The following DENND1B variants were observed in gnomAD, a reference collection of about 807,000 sequenced individuals.
The protein encoded by DENND1B is DENN domain-containing protein 1B.
Under a neutral mutation model 90.1 loss-of-function variants are expected in DENND1B, and 59 were observed. The observed-to-expected ratio is 0.65, with a 90% CI of 0.53 to 0.81. The LOEUF (loss-of-function observed/expected upper bound fraction) is 0.81. DENND1B is among the 40% of genes least tolerant of loss of function. The pLI is 0.00. For missense variants in DENND1B, 862 were observed against 912.6 expected, an observed-to-expected ratio of 0.94 and a Z score of 0.71; for synonymous variants, 337 against 324.6, an observed-to-expected ratio of 1.04 and a Z score of -0.41.
intron 3 of DENND1B, among the ~76,000 whole-genome samples, chr1:197,674,829 T>C (rs1655894815): frequency 6.6e-6 from 1 of 152,106 alleles, no homozygotes; most frequent in South Asian, 2.1e-4. Context: ...CATTTAAGGA[T>C]TGCCTAATAT....
At chr1:197,743,619 A>C (rs1364876038) in intron 2 of DENND1B, among the ~76,000 whole-genome samples, 2 of 152,186 alleles carry the variant, frequency 1.3e-5, no homozygotes, top group Admixed American at 6.5e-5. Flanking sequence ...TTCCTTTCAC[A>C]AAAGATTTCT....
chr1:197,753,815 A>C (rs1264764469), intron 2 of DENND1B, among the ~76,000 whole-genome samples: 1 of 152,002 alleles, frequency 6.6e-6, no homozygotes, highest in African/African-American at 2.4e-5. Context: ...AGCCTGGCCA[A>C]CATGGTGAAA....
chr1:197,515,925 T>C (rs1173197062), intron 20 of DENND1B, among the ~76,000 whole-genome samples: 2 of 151,890 alleles, frequency 1.3e-5, no homozygotes, highest in African/African-American at 4.8e-5. Flanking sequence ...AAAGTTACCT[T>C]TATATTCTGT....
At chr1:197,621,913 T>C (rs1390497481) in intron 10 of DENND1B, among the ~76,000 whole-genome samples, 1 of 151,514 alleles carries the variant, frequency 6.6e-6, no homozygotes, top group African/African-American at 2.4e-5. Flanking sequence ...TATATTTTCA[T>C]AAAGCATACC....
intron 2 of DENND1B, among the ~76,000 whole-genome samples, chr1:197,759,063 A>G (rs2102448896): frequency 6.9e-6 from 1 of 143,954 alleles, no homozygotes; most frequent in African/African-American, 2.6e-5. Context: ...TCCACCTTCT[A>G]GGTTCAAGCA....
chr1:197,768,560 G>A (rs1341787624), intron 2 of DENND1B, among the ~76,000 whole-genome samples: 2 of 151,428 alleles, frequency 1.3e-5, no homozygotes, highest in African/African-American at 4.9e-5. Context: ...AAAAGAATAA[G>A]AACACTAGCA....
chr1:197,699,106 A>C (rs1342047170), intron 3 of DENND1B, among the ~76,000 whole-genome samples: 3 of 152,260 alleles, frequency 2.0e-5, no homozygotes, highest in Middle Eastern at 3.4e-3. Context: ...GAGACACACA[A>C]AAAAAGGGAA....
At chr1:197,777,230 T>C (rs1377286828), upstream of DENND1B, among the ~76,000 whole-genome samples, 1 of 152,182 alleles carries the variant, frequency 6.6e-6, no homozygotes, top group East Asian at 1.9e-4. Context: ...ATTGAGGACT[T>C]TTTAATTTGG....
chr1:197,769,095 A>G (rs1489317219), intron 2 of DENND1B, among the ~76,000 whole-genome samples: 3 of 152,240 alleles, frequency 2.0e-5, no homozygotes, highest in Non-Finnish European at 4.4e-5. Context: ...CAAGAGAAGC[A>G]TGCCAAATAC....
intron 20 of DENND1B, among the ~76,000 whole-genome samples, chr1:197,522,150 T>G (rs1410624077): frequency 2.0e-5 from 3 of 152,118 alleles, no homozygotes; most frequent in Non-Finnish European, 4.4e-5. Context: ...AGTGCTAATG[T>G]TCCAGGTAGG....
At chr1:197,544,986 A>G (rs1188544617) in intron 18 of DENND1B, among the ~76,000 whole-genome samples, 19 of 132,610 alleles carry the variant, frequency 1.4e-4, no homozygotes, top group East Asian at 8.4e-4. Flanking sequence ...GAGGAAGGGG[A>G]AGAAGGAAGA....
chr1:197,510,980 A>G lies in DENND1B; in HGVS notation c.1816-8T>C, dbSNP rs768812354. The G allele has an allele frequency of 2.0e-6, 3 of 1,481,704 alleles. No homozygotes were observed. The highest frequency in any genetic ancestry group is 2.7e-6 in the Non-Finnish European group (3 of 1,115,438). 91.8% of individuals were successfully genotyped at this position (1,481,704 alleles called of 1,614,324 possible). On this transcript the variant is annotated splice_region_variant and splice_polypyrimidine_tract_variant and intron_variant, in intron 22 of 22. Coordinates refer to ENST00000620048, the MANE Select transcript of DENND1B (RefSeq NM_001195215.2). ...AGGAGCATTAGATTTATTCTGAAAA[A>G]AAGAAGAAACAACAAACTCAGAAAA...
At chr1:197,556,891 G>GTCT (rs1571865691) in intron 15 of DENND1B, among the ~76,000 whole-genome samples, 1 of 151,908 alleles carries the variant, frequency 6.6e-6, no homozygotes, top group East Asian at 1.9e-4. Flanking sequence ...AAGGATCACT[G>GTCT]TCTTTCACAT....
At chr1:197,640,346 G>A (rs1680161096) in intron 10 of DENND1B, among the ~76,000 whole-genome samples, 2 of 151,720 alleles carry the variant, frequency 1.3e-5, no homozygotes, top group South Asian at 2.1e-4. Flanking sequence ...GGTGGCAGGC[G>A]CCTGTACTCC....
At chr1:197,578,059 C>T (rs932268424) in intron 15 of DENND1B, among the ~76,000 whole-genome samples, 6 of 152,082 alleles carry the variant, frequency 3.9e-5, no homozygotes, top group African/African-American at 1.4e-4. Flanking sequence ...GTAGCTTCTG[C>T]TTTGTTGACT....
At chr1:197,727,247 T>C (rs761041285) in intron 2 of DENND1B, among the ~76,000 whole-genome samples, 3 of 152,046 alleles carry the variant, frequency 2.0e-5, no homozygotes, top group Non-Finnish European at 4.4e-5. Flanking sequence ...TCTTAAAACA[T>C]AATTAGCGCC....
At chr1:197,559,650 C>T (rs1185723707) in intron 15 of DENND1B, among the ~76,000 whole-genome samples, 3 of 151,856 alleles carry the variant, frequency 2.0e-5, no homozygotes, top group Admixed American at 6.6e-5. Context: ...TAAAAAATTG[C>T]TTTCAAAAAT....
chr1:197,511,248 T>C (rs1198076203), intron 22 of DENND1B, among the ~76,000 whole-genome samples: 5 of 151,766 alleles, frequency 3.3e-5, no homozygotes, highest in Non-Finnish European at 7.4e-5. Flanking sequence ...CAGAACAGGA[T>C]TGTCATTACT....
At chr1:197,609,187 AAAT>A (rs912502183) in intron 12 of DENND1B, among the ~76,000 whole-genome samples, 1 of 150,654 alleles carries the variant, frequency 6.6e-6, no homozygotes. Flanking sequence ...AAAAATAAGA[AAAT>A]AATATTAGAC....
Sources: allele counts gnomAD v4.1 joint callset (sites outside exome capture counted in the v4.1 genomes callset), GRCh38; gene constraint gnomAD v4.1.1; transcripts MANE v1.5; gene names NCBI Gene and HGNC (gene_info 2026-07-23, HGNC 2026-07-21).